The following TMEM178B variants were observed in gnomAD, a reference collection of about 807,000 sequenced individuals.
The protein encoded by TMEM178B is transmembrane protein 178B.
TMEM178B carries 5 observed loss-of-function variants against 31.0 expected under a neutral mutation model. That is an observed-to-expected ratio of 0.16 (90% confidence interval 0.08 to 0.34). TMEM178B has a LOEUF of 0.34. Ranked by LOEUF, TMEM178B falls within the 10% of genes least tolerant of loss-of-function variation. The pLI, the probability that TMEM178B is intolerant of heterozygous loss-of-function variation, is 1.00. For synonymous variants in TMEM178B, 164 were observed against 164.0 expected (o/e 1.00, Z 0.00); for missense variants, 275 against 400.3 (o/e 0.69, Z 2.67).
intron 1 of TMEM178B, among the ~76,000 whole-genome samples, chr7:141,154,823 A>G (rs1796040172): frequency 6.6e-6 from 1 of 150,644 alleles, no homozygotes; most frequent in African/African-American, 2.4e-5. Context: ...TCCACTCCCC[A>G]GGTTCAAACG....
intron 2 of TMEM178B, among the ~76,000 whole-genome samples, chr7:141,221,092 G>A (rs1797250205): frequency 6.6e-6 from 1 of 151,984 alleles, no homozygotes; most frequent in Non-Finnish European, 1.5e-5. Flanking sequence ...TTCATTGCAG[G>A]GGAAAAAAAA....
At chr7:141,497,137 A>G in the TMEM178B span, among the ~76,000 whole-genome samples, 1 of 152,202 alleles carries the variant, frequency 6.6e-6, no homozygotes. Context: ...CCCTGCACAC[A>G]CAGGTAGAGA....
intron 2 of TMEM178B, among the ~76,000 whole-genome samples, chr7:141,219,094 A>G (rs1239929647): frequency 1.3e-5 from 2 of 152,192 alleles, no homozygotes; most frequent in Admixed American, 6.5e-5. Context: ...GTCAGCTGTA[A>G]TGCTGCTCAG....
chr7:141,415,608 A>G (rs1276635202), intron 2 of TMEM178B, among the ~76,000 whole-genome samples: 2 of 152,170 alleles, frequency 1.3e-5, no homozygotes, highest in Admixed American at 6.5e-5. Flanking sequence ...TAGTTACTGT[A>G]GAGGCAAAAT....
At chr7:141,382,173 G>A (rs548534016) in intron 2 of TMEM178B, among the ~76,000 whole-genome samples, 21 of 152,266 alleles carry the variant, frequency 1.4e-4, no homozygotes, top group African/African-American at 4.8e-4. Context: ...TTTTAAAACA[G>A]AAATCATGTG....
intron 2 of TMEM178B, among the ~76,000 whole-genome samples, chr7:141,394,831 C>T (rs1324597160): frequency 6.6e-6 from 1 of 152,156 alleles, no homozygotes; most frequent in Non-Finnish European, 1.5e-5. Context: ...TATATTTTTT[C>T]TCCTCAGCTA....
At chr7:141,383,072 C>G (rs1224634391) in intron 2 of TMEM178B, among the ~76,000 whole-genome samples, 1 of 152,166 alleles carries the variant, frequency 6.6e-6, no homozygotes, top group Non-Finnish European at 1.5e-5. Context: ...GAGGCTGCAG[C>G]CCAACCTTTA....
intron 1 of TMEM178B, among the ~76,000 whole-genome samples, chr7:141,097,793 C>CTTTTTTTTTTT (rs552569756): frequency 6.4e-5 from 8 of 125,938 alleles, no homozygotes; most frequent in Non-Finnish European, 8.1e-5. Flanking sequence ...TTCTTTCTTT[C>CTTTTTTTTTTT]TTTTTTTTTT....
intron 1 of TMEM178B, among the ~76,000 whole-genome samples, chr7:141,100,773 G>A (rs1795043554): frequency 6.6e-6 from 1 of 152,126 alleles, no homozygotes; most frequent in South Asian, 2.1e-4. Flanking sequence ...ACATATATAT[G>A]TAGAATGTGT....
intron 2 of TMEM178B, among the ~76,000 whole-genome samples, chr7:141,412,694 C>G (rs1355941136): frequency 6.6e-6 from 1 of 152,176 alleles, no homozygotes; most frequent in African/African-American, 2.4e-5. Flanking sequence ...CTCAGCGGAG[C>G]TCGGGGGAGT....
chr7:141,165,366 G>A (rs1325401470), intron 1 of TMEM178B, among the ~76,000 whole-genome samples: 3 of 152,158 alleles, frequency 2.0e-5, no homozygotes, highest in African/African-American at 7.2e-5. Flanking sequence ...GAGTTTCTCT[G>A]ATGTTATCTC....
chr7:141,271,160 G>A (rs956877226), intron 2 of TMEM178B, among the ~76,000 whole-genome samples: 2 of 152,322 alleles, frequency 1.3e-5, no homozygotes, highest in African/African-American at 4.8e-5. Flanking sequence ...ACATGCAGCT[G>A]TATCTGGTTC....
intron 1 of TMEM178B, among the ~76,000 whole-genome samples, chr7:141,172,596 G>C (rs1796366008): frequency 6.6e-6 from 1 of 152,186 alleles, no homozygotes; most frequent in South Asian, 2.1e-4. Context: ...CTCTTGAGAA[G>C]TAACTGACCA....
chr7:141,428,700 C>A (rs1801367367), intron 2 of TMEM178B, among the ~76,000 whole-genome samples: 1 of 152,178 alleles, frequency 6.6e-6, no homozygotes, highest in Non-Finnish European at 1.5e-5. Flanking sequence ...TGGAACCATG[C>A]CAATGTATAA....
At chr7:141,236,690 G>A (rs977702696) in intron 2 of TMEM178B, among the ~76,000 whole-genome samples, 3 of 152,174 alleles carry the variant, frequency 2.0e-5, no homozygotes, top group African/African-American at 7.2e-5. Flanking sequence ...CCTTGAGAGT[G>A]GGAACAGTCA....
chr7:141,237,796 G>A (rs1045377650), intron 2 of TMEM178B, among the ~76,000 whole-genome samples: 1 of 152,108 alleles, frequency 6.6e-6, no homozygotes, highest in Non-Finnish European at 1.5e-5. Context: ...GGCTGAGGCG[G>A]GCAGATCACC....
chr7:141,458,621 T>G (rs79082016), intron 3 of TMEM178B, among the ~76,000 whole-genome samples: 1 of 147,090 alleles, frequency 6.8e-6, no homozygotes, highest in South Asian at 2.1e-4. Context: ...ACAGGAAACA[T>G]TTTTTTTTTG....
chr7:141,261,308 G>T (rs570432334), intron 2 of TMEM178B, among the ~76,000 whole-genome samples: 1 of 151,660 alleles, frequency 6.6e-6, no homozygotes, highest in African/African-American at 2.4e-5. Context: ...AACCTCACTT[G>T]TATAGGTTTT....
intron 2 of TMEM178B, among the ~76,000 whole-genome samples, chr7:141,276,820 C>T (rs1798274300): frequency 6.6e-6 from 1 of 152,220 alleles, no homozygotes; most frequent in African/African-American, 2.4e-5. Context: ...TAGCCTGTTG[C>T]TGCTAGGCTA....
Sources: allele counts gnomAD v4.1 joint callset (sites outside exome capture counted in the v4.1 genomes callset), GRCh38; gene constraint gnomAD v4.1.1; transcripts MANE v1.5; gene names NCBI Gene and HGNC (gene_info 2026-07-23, HGNC 2026-07-21).